Variants in ZAN observed in about 807,000 individuals in gnomAD.
The protein encoded by ZAN is zonadhesin (gene/pseudogene).
A neutral mutation model predicts 286.2 loss-of-function variants in ZAN; 260 were observed. That is an observed-to-expected ratio of 0.91 (90% CI 0.82 to 1.01). The LOEUF is 1.01. ZAN is among the 50% of genes least tolerant of loss of function. ZAN has a pLI of 0.00. For synonymous variants in ZAN, 1,368 were observed against 1,417.5 expected (o/e 0.97, Z 0.79); for missense variants, 3,410 against 3,639.2 (o/e 0.94, Z 1.62).
In ZAN at chr7:100,746,698, C is replaced by A. The variant is rs572552731; in HGVS notation, c.927C>A (p.Val309=). The change falls in exon 8 of 48, where the codon GTC becomes GTA. Residue 309 remains valine, a synonymous_variant. Transcript: ENST00000613979. The part of the protein sequence containing the change: ...PGAALHIYAS[V]LGSIRKHTLF... ...CAGCCCTCCACATTTATGCTTCAGT[C>A]TTGGGTTAGAGCGGAGAATTAATGG... 9.3e-6 allele frequency: 15 copies of A among 1,613,842 alleles called. No individual in the cohort carries two copies. The East Asian group carries it at 1.1e-4, about 12-fold the overall frequency.
At position 100,792,464 on chromosome 7, in the gene ZAN, G is replaced by A; in HGVS notation, c.7772G>A (p.Cys2591Tyr). ...CCAAGAGAGCAAGAGGAGCTGCGTT[G>A]CCAGGTCCTCAGTGGGTACGCCATC... ...QDPREQEELR[C>Y]QVLSGHGVSS... Residue 2591 changes from cysteine (C) to tyrosine (Y), a missense_variant, in exon 42 of 48, where the codon TGC becomes TAC. Physicochemically the swap from Cys to Tyr is radical, Grantham distance 194. Around this residue, in one of 7 missense-constraint regions of ZAN, gnomAD observed 1,289 missense variants for 1,314.3 expected, o/e 0.98. Coordinates refer to ENST00000613979, the MANE Select transcript of ZAN (RefSeq NM_003386.3). 1 of 1,613,874 alleles carries A rather than the reference G, an allele frequency of 6.2e-7. No individual in the cohort carries two copies. Among genetic ancestry groups the A allele is most frequent in the Non-Finnish European group, 8.5e-7 (1 of 1,179,868 alleles).
At chr7:100,781,336 G>A (rs1811182216) in intron 35 of ZAN, among the ~76,000 whole-genome samples, 1 of 152,132 alleles carries the variant, frequency 6.6e-6, no homozygotes, top group African/African-American at 2.4e-5. Context: ...AAAGTGCTGG[G>A]ATTACAGACG....
At chr7:100,745,509 G>A (rs1584554734) in intron 7 of ZAN, among the ~76,000 whole-genome samples, 1 of 151,812 alleles carries the variant, frequency 6.6e-6, no homozygotes, top group East Asian at 1.9e-4. Context: ...GGGTGAGAGG[G>A]GGTTTGCCTC....
chr7:100,790,086 C>T (rs1183119375), intron 39 of ZAN, among the ~76,000 whole-genome samples: 1 of 151,092 alleles, frequency 6.6e-6, no homozygotes, highest in African/African-American at 2.4e-5. Context: ...TAGCAAGATC[C>T]CATCTCTATA....
intron 34 of ZAN, among the ~76,000 whole-genome samples, chr7:100,777,322 T>A (rs1261196813): frequency 6.6e-6 from 1 of 151,418 alleles, no homozygotes; most frequent in Non-Finnish European, 1.5e-5. Context: ...TGGGTAATCA[T>A]GAGCGACTGC....
intron 15 of ZAN, among the ~76,000 whole-genome samples, chr7:100,756,666 C>G (rs1809168572): frequency 6.6e-6 from 1 of 152,044 alleles, no homozygotes; most frequent in South Asian, 2.1e-4. Flanking sequence ...AGAAGCTCTT[C>G]CCTCTGCCCT....
In ZAN at chr7:100,771,939, C is replaced by T. The variant is rs200480489; in HGVS notation, c.5344C>T (p.Leu1782=). 13 of 1,612,326 alleles carry T rather than the reference C, an allele frequency of 8.1e-6. No homozygotes were observed. Among genetic ancestry groups the T allele is most frequent in the Non-Finnish European group, 1.0e-5 (12 of 1,179,764 alleles). Residue 1782 remains leucine, a synonymous_variant, in exon 29 of 48, where the codon CTG becomes TTG. Transcript: ENST00000613979. ...TGGGACCAAGGGCGACACCACAGCC[C>T]TGTGCCGCTCCCTGCAGGCCTACGC... The part of the protein sequence containing the change: ...QCGTKGDTTA[L]CRSLQAYASL...
chr7:100,773,310 C>T lies in ZAN; in HGVS notation c.5451C>T (p.Ser1817=). 1 of 1,613,762 alleles carries T rather than the reference C, an allele frequency of 6.2e-7. No homozygotes were observed. The highest frequency in any genetic ancestry group is 1.3e-5 in the African/African-American group (1 of 75,062). ...CTATGAGGTGCCCACCTGGCAGCAG[C>T]TACAGCCCCTGCAGCAGCCCCTGCC... The part of the protein sequence containing the change: ...FCPMRCPPGS[S]YSPCSSPCPD... Residue 1817 remains serine, a synonymous_variant, in exon 30 of 48, where the codon AGC becomes AGT. Coordinates refer to ENST00000613979, the MANE Select transcript of ZAN (RefSeq NM_003386.3).
rs977218058 is a variant in ZAN, at chr7:100,739,608, T to C, written c.766+995T>C. Among the ~76,000 whole-genome samples the C allele has an allele frequency of 2.9e-4, 39 of 135,594 alleles. 5 individuals are homozygous for C. Among genetic ancestry groups the C allele is most frequent in the African/African-American group, 9.8e-4 (37 of 37,696 alleles). The allele number at this position is 135,594 out of a possible 152,430, so 89.0% of individuals were successfully genotyped here. On this transcript the variant is annotated intron_variant, in intron 7 of 47. Coordinates refer to ENST00000613979, the MANE Select transcript of ZAN (RefSeq NM_003386.3). Reference sequence around the variant, plus strand: ...ATCTGCCCACTTTGGCCTCCCAAAGTGCTGGGATTACAGGCGTGAGCCACT... The same window carrying C: ...ATCTGCCCACTTTGGCCTCCCAAAGCGCTGGGATTACAGGCGTGAGCCACT...
At chr7:100,774,143 C>A (rs566475346) in intron 31 of ZAN, among the ~76,000 whole-genome samples, 1 of 152,336 alleles carries the variant, frequency 6.6e-6, no homozygotes, top group African/African-American at 2.4e-5. Context: ...AATCTCAGCA[C>A]TTTGGAAGGC....
chr7:100,789,193 T>C (rs1006447334), intron 38 of ZAN, 25 bp from the exon 39 acceptor site: 1 of 1,608,292 alleles, frequency 6.2e-7, no homozygotes, highest in Admixed American at 1.7e-5. Flanking sequence ...CAGCCCTGTC[T>C]GTGGCTCCTG....
rs1356774005 is a variant in ZAN, at chr7:100,745,124, TC to T, written c.767-1412del. On this transcript the variant is annotated intron_variant, in intron 7 of 47. Coordinates refer to ENST00000613979, the MANE Select transcript of ZAN (RefSeq NM_003386.3). ...GTCTAGAACCCCTGACCTCAGGTGA[TC>T]CGCCCGCCTCGGTCTCCCAAAGTGC... Among the ~76,000 whole-genome samples, 5 of 151,894 alleles carry T rather than the reference TC, an allele frequency of 3.3e-5. No homozygotes were observed. In the East Asian group the frequency reaches 9.6e-4, roughly 29 times the overall value.
intron 29 of ZAN, among the ~76,000 whole-genome samples, chr7:100,772,838 A>G (rs1437266952): frequency 2.4e-4 from 36 of 150,350 alleles, no homozygotes; most frequent in African/African-American, 7.3e-4. Context: ...AAAAATTGTT[A>G]AAATTGTAGA....
At chr7:100,762,388 T>A in intron 20 of ZAN, 30 bp downstream of exon 20, 1 of 1,548,016 alleles carries the variant, frequency 6.5e-7, no homozygotes, top group Non-Finnish European at 8.7e-7. Context: ...ACCGGGGCCC[T>A]GGGAAGGTTC....
chr7:100,789,677 G>A (rs1419267171), intron 39 of ZAN, among the ~76,000 whole-genome samples: 4 of 152,120 alleles, frequency 2.6e-5, no homozygotes, highest in Non-Finnish European at 5.9e-5. Context: ...GTGCACAGTG[G>A]CTCACGCCTG....
rs1808694343 is a variant in ZAN at position 100,751,911 on chromosome 7, A to AG, written c.1807dup (p.Glu603GlyfsTer64). The stretch of plus-strand genomic sequence containing the variant: ...CCACAGAAAAACCCACCATCTCCAC[A>AG]GAAAAACCCACCATTCCTTCAGAAA... On this transcript the variant is annotated frameshift_variant, in exon 14 of 48. Transcript: ENST00000613979. LOFTEE classifies it high-confidence loss of function. 2 of 1,612,984 alleles carry AG rather than the reference A, an allele frequency of 1.2e-6. No homozygotes were observed. The highest frequency in any genetic ancestry group is 1.1e-5 in the South Asian group (1 of 90,926).
At position 100,797,635 on chromosome 7, in the gene ZAN, C is replaced by T. The variant is rs750061196; in HGVS notation, c.8413+12C>T. On this transcript the variant is annotated intron_variant, in intron 47 of 47. Transcript: ENST00000613979. ...GCTGGTGGACACAGGTGAGAACCAA[C>T]CCCACAGCCCGGAACCTCGGGGCCT... 9.3e-6 allele frequency: 15 copies of T among 1,613,934 alleles called. No individual in the cohort carries two copies. The highest frequency in any genetic ancestry group is 1.3e-5 in the Non-Finnish European group (15 of 1,179,882).
Position 100,786,048 on chromosome 7 carries a change from G to T in ZAN, c.6886G>T (p.Gly2296Ter), listed in dbSNP as rs1811543667. 1 of 1,613,992 alleles carries T rather than the reference G, an allele frequency of 6.2e-7. No individual in the cohort carries two copies. Among genetic ancestry groups the T allele is most frequent in the Non-Finnish European group, 8.5e-7 (1 of 1,179,900 alleles). The change falls in exon 37 of 48, where the codon GGA (glycine) becomes TGA (stop). Residue 2296 changes from glycine (G) to a stop codon, truncating the protein, a stop_gained. Transcript: ENST00000613979. LOFTEE classifies it high-confidence loss of function. ...TTGCACGGAGAAGTGTGTCTGCACG[G>T]GAGGAGCCATTCAGTGCGGGGACTT... ...SGCTEKCVCT[G>*]GAIQCGDFRC... is the part of the protein sequence containing the mutation.
chr7:100,780,206 A>C lies in ZAN; in HGVS notation c.6622+456A>C, dbSNP rs561886733. ...AACACTCCATCTCAAAAAAAAAAAA[A>C]AGTGTCTTTTAGTATCTTGATAAAG... On this transcript the variant is annotated intron_variant, in intron 35 of 47. Coordinates refer to ENST00000613979, the MANE Select transcript of ZAN (RefSeq NM_003386.3). Among the ~76,000 whole-genome samples, 459 of 152,160 alleles carry C rather than the reference A, an allele frequency of 3.0e-3. 2 individuals carry two copies. The highest frequency in any genetic ancestry group is 4.7e-3 in the Admixed American group (71 of 15,248).
Sources: gnomAD v4.1 joint callset for allele counts (sites outside exome capture counted in the v4.1 genomes callset) on GRCh38, gnomAD v4.1.1 for gene constraint, gnomAD v4.1.1 regional missense constraint, MANE v1.5 for transcripts, NCBI Gene and HGNC (gene_info 2026-07-23, HGNC 2026-07-21) for gene names.